Variants in SNX6 observed in about 807,000 individuals in gnomAD.
The protein encoded by SNX6 is sorting nexin-6.
In SNX6, 34 loss-of-function variants were observed where a neutral mutation model predicts 63.0. The observed-to-expected ratio is 0.54, with a 90% CI of 0.41 to 0.72. SNX6 has a LOEUF of 0.72. SNX6 is among the 30% of genes least tolerant of loss of function. The pLI, the probability that SNX6 is intolerant of heterozygous loss-of-function variation, is 0.00. For missense variants in SNX6, 398 were observed against 471.4 expected, an observed-to-expected ratio of 0.84 and a Z score of 1.44; for synonymous variants, 170 against 164.2, an observed-to-expected ratio of 1.04 and a Z score of -0.27.
Position 34,595,812 on chromosome 14 carries a change from C to CT in SNX6, c.612+1737dup, listed in dbSNP as rs200104658. Among the ~76,000 whole-genome samples, 235 of 152,098 alleles carry CT rather than the reference C, an allele frequency of 1.5e-3. 3 individuals are homozygous for CT. The highest frequency in any genetic ancestry group is 0.012 in the Admixed American group (188 of 15,252). ...CAGGCAATGATGACAAAGCAGCATTCTTTTTTTTCCTAGTATTTGCTTGAT... is the reference window on the plus strand; with the variant it reads ...CAGGCAATGATGACAAAGCAGCATTCTTTTTTTTTCCTAGTATTTGCTTGAT... On this transcript the variant is annotated intron_variant, in intron 7 of 13. Coordinates refer to ENST00000362031, the MANE Select transcript of SNX6 (RefSeq NM_152233.4).
At chr14:34,568,536 A>G (rs1312275338) in intron 11 of SNX6, among the ~76,000 whole-genome samples, 1 of 151,398 alleles carries the variant, frequency 6.6e-6, no homozygotes. Flanking sequence ...GGGCCTCACT[A>G]TGTTGCCCAG....
At chr14:34,625,819 T>C (rs1883805945) in intron 2 of SNX6, among the ~76,000 whole-genome samples, 1 of 152,202 alleles carries the variant, frequency 6.6e-6, no homozygotes, top group Admixed American at 6.6e-5. Context: ...CAGTTTTCAA[T>C]ACTGTGTATT....
At chr14:34,563,459 T>C (rs956260248) in intron 13 of SNX6, among the ~76,000 whole-genome samples, 1 of 151,038 alleles carries the variant, frequency 6.6e-6, no homozygotes, top group Non-Finnish European at 1.5e-5. Context: ...CTCGGTATGC[T>C]GAGGCAAGAG....
chr14:34,579,962 A>G (rs764312697), intron 10 of SNX6, among the ~76,000 whole-genome samples: 3 of 152,232 alleles, frequency 2.0e-5, no homozygotes, highest in Non-Finnish European at 4.4e-5. Flanking sequence ...AGGCAGGCAG[A>G]TCACTTGACA....
chr14:34,627,242 C>T (rs1252075477), intron 2 of SNX6, among the ~76,000 whole-genome samples: 9 of 151,934 alleles, frequency 5.9e-5, no homozygotes, highest in South Asian at 2.1e-4. Context: ...GTCAGGAGAT[C>T]GAGACCATCC....
intron 13 of SNX6, among the ~76,000 whole-genome samples, chr14:34,564,918 A>C (rs990444592): frequency 6.6e-6 from 1 of 152,030 alleles, no homozygotes; most frequent in Non-Finnish European, 1.5e-5. Flanking sequence ...TAAAAGGCTA[A>C]ATAATAAGTA....
chr14:34,596,035 T>C (rs533323134), intron 7 of SNX6, among the ~76,000 whole-genome samples: 47 of 151,810 alleles, frequency 3.1e-4, no homozygotes, highest in East Asian at 9.8e-4. Context: ...TTGGCTAACA[T>C]GGTGAAACCC....
intron 6 of SNX6, among the ~76,000 whole-genome samples, chr14:34,599,606 T>TAAAAA (rs143732306): frequency 8.1e-6 from 1 of 123,448 alleles, no homozygotes; most frequent in Non-Finnish European, 1.7e-5. Flanking sequence ...AAACTCTGTC[T>TAAAAA]AAAAAAAAAA....
At chr14:34,577,540 C>T (rs1349717484) in intron 10 of SNX6, among the ~76,000 whole-genome samples, 1 of 152,062 alleles carries the variant, frequency 6.6e-6, no homozygotes, top group East Asian at 1.9e-4. Flanking sequence ...GAAGACACCA[C>T]AGAGTAATAA....
intron 10 of SNX6, among the ~76,000 whole-genome samples, chr14:34,579,554 T>C (rs1245865636): frequency 1.3e-5 from 2 of 151,836 alleles, no homozygotes; most frequent in Non-Finnish European, 2.9e-5. Flanking sequence ...CTACAATGAG[T>C]TATGATCATG....
In SNX6 at chr14:34,628,162, T is replaced by C. The variant is rs567175567; in HGVS notation, c.54+1745A>G. ...CTGGGCAACATGGTGAGACCCTGTC[T>C]CTATAAAAACAAACAGGCCGGGCGT... On this transcript the variant is annotated intron_variant, in intron 2 of 13. Coordinates refer to ENST00000362031, the MANE Select transcript of SNX6 (RefSeq NM_152233.4). Among the ~76,000 whole-genome samples, 7 of 152,038 alleles carry C rather than the reference T, an allele frequency of 4.6e-5. No individual in the cohort carries two copies. In the East Asian group the frequency reaches 1.4e-3, roughly 30 times the overall value.
chr14:34,629,698 G>T (rs1052468486), intron 2 of SNX6: 3 of 818,384 alleles, frequency 3.7e-6, no homozygotes, highest in Non-Finnish European at 6.0e-6. Flanking sequence ...ACAAGAAAGC[G>T]GCCGCGGGTC....
At chr14:34,624,289 T>C (rs907597680) in intron 2 of SNX6, among the ~76,000 whole-genome samples, 2 of 151,950 alleles carry the variant, frequency 1.3e-5, no homozygotes, top group East Asian at 1.9e-4. Context: ...TTAGTAGAGA[T>C]GGGGTTTCAC....
At chr14:34,607,982 C>T (rs1040064543) in intron 4 of SNX6, 48 bp downstream of exon 4, 1 of 964,690 alleles carries the variant, frequency 1.0e-6, no homozygotes, top group African/African-American at 1.7e-5. Context: ...TAACGAAGTA[C>T]CTAAAACCTC....
intron 11 of SNX6, among the ~76,000 whole-genome samples, chr14:34,574,854 G>A (rs1007234135): frequency 6.0e-5 from 9 of 150,856 alleles, no homozygotes; most frequent in South Asian, 2.1e-4. Context: ...CACTGCGCCC[G>A]GCCAGCTCCT....
rs200656159 is a variant in SNX6 at position 34,581,589 on chromosome 14, T to C, written c.806A>G (p.Lys269Arg). Reference protein sequence around the residue: ...DSTDICKFFLKVSELFDKTRK... With the variant: ...DSTDICKFFLRVSELFDKTRK... ...TGTTTTATCGAACAGTTCTGAAACT[T>C]TGAGAAAAAACCTGGAAAGGAAAAT... is the stretch of plus-strand genomic sequence containing the variant. Residue 269 changes from lysine to arginine, a missense_variant, in exon 10 of 14, where the codon AAA becomes AGA. Coordinates refer to ENST00000362031, the MANE Select transcript of SNX6 (RefSeq NM_152233.4). The C allele has an allele frequency of 6.1e-6, 9 of 1,480,642 alleles. No homozygotes were observed. Among genetic ancestry groups the C allele is most frequent in the South Asian group, 3.5e-5 (3 of 85,700 alleles). The allele number at this position is 1,480,642 out of a possible 1,614,324, so 91.7% of individuals were successfully genotyped here. A position where few individuals can be genotyped will look rare whatever the true frequency, so the allele number is the denominator to read the frequency against.
At chr14:34,610,071 T>C (rs1202127576) in intron 2 of SNX6, among the ~76,000 whole-genome samples, 1 of 151,820 alleles carries the variant, frequency 6.6e-6, no homozygotes, top group Non-Finnish European at 1.5e-5. Flanking sequence ...CAGCCAGATG[T>C]GATGGCTCAT....
intron 13 of SNX6, 87 bp downstream of exon 13, chr14:34,567,599 C>T (rs899579684): frequency 3.3e-5 from 34 of 1,015,018 alleles, no homozygotes; most frequent in Middle Eastern, 4.4e-4. Context: ...CCTATGAGAA[C>T]TGACATTAAA....
chr14:34,598,797 T>C (rs928470268), intron 6 of SNX6, among the ~76,000 whole-genome samples: 2 of 152,074 alleles, frequency 1.3e-5, no homozygotes, highest in Non-Finnish European at 2.9e-5. Context: ...GGTGGGAGGA[T>C]CATTTGACGC....
Sources: gnomAD v4.1 joint callset for allele counts (sites outside exome capture counted in the v4.1 genomes callset) on GRCh38, gnomAD v4.1.1 for gene constraint, MANE v1.5 for transcripts, NCBI Gene and HGNC (gene_info 2026-07-23, HGNC 2026-07-21) for gene names.